Variants in CRHR1 observed in about 807,000 individuals in gnomAD.
CRHR1 encodes the protein corticotropin-releasing hormone receptor 1.
Under a neutral mutation model 56.0 loss-of-function variants are expected in CRHR1, and 28 were observed. That is an observed-to-expected ratio of 0.50 (90% CI 0.37 to 0.69). The LOEUF is 0.69. Ranked by LOEUF, CRHR1 falls within the 30% of genes least tolerant of loss-of-function variation. The pLI, the probability that CRHR1 is intolerant of heterozygous loss-of-function variation, is 0.00. For missense variants in CRHR1, 376 were observed against 548.0 expected (o/e 0.69, Z 3.13); for synonymous variants, 195 against 216.5 (o/e 0.90, Z 0.87).
intron 4 of CRHR1, among the ~76,000 whole-genome samples, chr17:45,825,204 T>C (rs1012458872): frequency 6.6e-6 from 1 of 152,126 alleles, no homozygotes; most frequent in African/African-American, 2.4e-5. Context: ...GCCTGTGAAA[T>C]GGGACTTGCA....
chr17:45,828,949 T>C (rs1323041570), intron 4 of CRHR1, among the ~76,000 whole-genome samples: 2 of 152,090 alleles, frequency 1.3e-5, no homozygotes, highest in African/African-American at 2.4e-5. Flanking sequence ...GGGGGGTCCA[T>C]GTGGAGTGGG....
At chr17:45,832,559 C>T (rs1194819107) in intron 8 of CRHR1, among the ~76,000 whole-genome samples, 13 of 152,194 alleles carry the variant, frequency 8.5e-5, no homozygotes. Flanking sequence ...TAAGGGCTTC[C>T]AGTTTGTCTG....
intron 2 of CRHR1, among the ~76,000 whole-genome samples, chr17:45,814,911 C>G (rs967410355): frequency 1.3e-5 from 2 of 152,260 alleles, no homozygotes; most frequent in Non-Finnish European, 2.9e-5. Flanking sequence ...GGCCTCTGCC[C>G]CTTGAGTCCT....
intron 1 of CRHR1, among the ~76,000 whole-genome samples, chr17:45,791,021 A>G (rs2061416059): frequency 6.6e-6 from 1 of 152,208 alleles, no homozygotes; most frequent in African/African-American, 2.4e-5. Context: ...TGATGGCCGC[A>G]GCATTGCCAT....
intron 1 of CRHR1, among the ~76,000 whole-genome samples, chr17:45,801,852 C>T (rs913241798): frequency 6.6e-6 from 1 of 152,148 alleles, no homozygotes; most frequent in Non-Finnish European, 1.5e-5. Flanking sequence ...CCATATGCTT[C>T]GACTGTAGTT....
At chr17:45,810,993 G>A (rs1381899871) in intron 2 of CRHR1, among the ~76,000 whole-genome samples, 1 of 152,242 alleles carries the variant, frequency 6.6e-6, no homozygotes, top group African/African-American at 2.4e-5. Flanking sequence ...GGACAGCCTG[G>A]GCTGAGTCCC....
intron 1 of CRHR1, among the ~76,000 whole-genome samples, chr17:45,797,283 CTTTTTTTTTTTTTTTTT>C (rs899983592): frequency 3.2e-5 from 3 of 94,930 alleles, no homozygotes; most frequent in Non-Finnish European, 5.8e-5. Flanking sequence ...TTCTTTCTTT[CTTTTTTTTTTTTTTTTT>C]TTTTTTTTGA....
At chr17:45,832,099 G>C (rs887974446) in intron 8 of CRHR1, among the ~76,000 whole-genome samples, 18 of 147,486 alleles carry the variant, frequency 1.2e-4, no homozygotes, top group African/African-American at 4.1e-4. Flanking sequence ...GGGTGTGGTG[G>C]TGCGCACCTG....
At chr17:45,814,933 A>G (rs1050172120) in intron 2 of CRHR1, among the ~76,000 whole-genome samples, 1 of 152,266 alleles carries the variant, frequency 6.6e-6, no homozygotes, top group Non-Finnish European at 1.5e-5. Flanking sequence ...ATTTGCACAA[A>G]TGCCCTATGA....
In CRHR1 at chr17:45,833,745, C is replaced by T. The variant is rs1370506784; in HGVS notation, c.961C>T (p.Pro321Ser). The T allele has an allele frequency of 6.9e-7, 1 of 1,451,876 alleles. No individual in the cohort carries two copies. Among genetic ancestry groups the T allele is most frequent in the Non-Finnish European group, 9.3e-7 (1 of 1,077,884 alleles). The allele number at this position is 1,451,876 out of a possible 1,614,324, so 89.9% of individuals were successfully genotyped here. A position where few individuals can be genotyped will look rare whatever the true frequency, so the allele number is the denominator to read the frequency against. Residue 321 changes from proline to serine, a missense_variant, in exon 11 of 13, where the codon CCC becomes TCC. Physicochemically the swap from Pro to Ser is moderately conservative, Grantham distance 74 (BLOSUM62 -1). Around this residue, in one of 2 missense-constraint regions of CRHR1, gnomAD observed 369 missense variants for 519.5 expected, o/e 0.71. Transcript: ENST00000314537. ...TGTGAAAGCCACTCTGGTGCTGCTG[C>T]CCCTCCTGGGCATCACCTACATGCT... Reference protein sequence around the residue: ...KAVKATLVLLPLLGITYMLFF... With the variant: ...KAVKATLVLLSLLGITYMLFF...
chr17:45,826,378 G>T (rs1282540118), intron 4 of CRHR1: 1 of 152,296 alleles, frequency 6.6e-6, no homozygotes, highest in Admixed American at 6.5e-5. Context: ...GGATGTATTT[G>T]TCTCAGGGTA....
chr17:45,834,671 C>T lies in CRHR1; in HGVS notation c.1155C>T (p.His385=), dbSNP rs2062397669. 2 of 1,613,522 alleles carry T rather than the reference C, an allele frequency of 1.2e-6. No individual in the cohort carries two copies. The highest frequency in any genetic ancestry group is 1.3e-5 in the African/African-American group (1 of 75,044). The change falls in exon 13 of 13, where the codon CAC becomes CAT. Residue 385 remains histidine, a synonymous_variant. Coordinates refer to ENST00000314537, the MANE Select transcript of CRHR1 (RefSeq NM_004382.5). The part of the protein sequence containing the change: ...RKRWHRWQDK[H]SIRARVARAM... Reference sequence around the variant, plus strand: ...GGTGGCACCGGTGGCAGGACAAGCACTCGATCCGTGCCCGAGTGGCCCGTG... The same window carrying T: ...GGTGGCACCGGTGGCAGGACAAGCATTCGATCCGTGCCCGAGTGGCCCGTG...
chr17:45,811,342 C>T (rs1274007806), intron 2 of CRHR1, among the ~76,000 whole-genome samples: 1 of 152,206 alleles, frequency 6.6e-6, no homozygotes, highest in Non-Finnish European at 1.5e-5. Flanking sequence ...AGGTGGGAGC[C>T]CTCCACACCT....
At chr17:45,819,496 CT>C (rs67441530) in intron 3 of CRHR1, among the ~76,000 whole-genome samples, 18,253 of 151,790 alleles carry the variant, frequency 0.12, 1,533 homozygotes, top group Non-Finnish European at 0.19. Flanking sequence ...CCCAAAGCCC[CT>C]ATCCCTGGAG....
intron 2 of CRHR1, among the ~76,000 whole-genome samples, chr17:45,813,723 A>G (rs1312078510): frequency 6.6e-6 from 1 of 152,344 alleles, no homozygotes; most frequent in East Asian, 1.9e-4. Context: ...ATCTTTGGTT[A>G]CTGATTGTCT....
intron 2 of CRHR1, among the ~76,000 whole-genome samples, chr17:45,815,517 C>T (rs1264145452): frequency 6.6e-6 from 1 of 152,200 alleles, no homozygotes; most frequent in Non-Finnish European, 1.5e-5. Flanking sequence ...GAGTCACAGA[C>T]CCCTTTGAGA....
intron 10 of CRHR1, 21 bp from the exon 11 acceptor site, chr17:45,833,693 T>TGCCC: frequency 1.3e-6 from 2 of 1,571,614 alleles, no homozygotes; most frequent in Non-Finnish European, 1.7e-6. Context: ...ACTCCGAGCC[T>TGCCC]CCCCACCCGC....
At chr17:45,806,404 A>T (rs2061719605) in intron 1 of CRHR1, among the ~76,000 whole-genome samples, 1 of 152,236 alleles carries the variant, frequency 6.6e-6, no homozygotes, top group East Asian at 1.9e-4. Flanking sequence ...CAGCCACACC[A>T]ACCCCAGGGA....
chr17:45,814,956 A>G (rs764184565), intron 2 of CRHR1, among the ~76,000 whole-genome samples: 50 of 152,386 alleles, frequency 3.3e-4, no homozygotes, highest in Non-Finnish European at 5.6e-4. Context: ...AGCTTTGATT[A>G]GAAAGAAAAA....
Sources: gnomAD v4.1 joint callset for allele counts (sites outside exome capture counted in the v4.1 genomes callset) on GRCh38, gnomAD v4.1.1 for gene constraint, gnomAD v4.1.1 regional missense constraint, MANE v1.5 for transcripts, NCBI Gene and HGNC (gene_info 2026-07-23, HGNC 2026-07-21) for gene names.